Variants in RBPJ observed in about 807,000 individuals in gnomAD.
RBPJ encodes the protein recombination signal binding protein for immunoglobulin kappa J region, also known as recombining binding protein suppressor of hairless.
Under a neutral mutation model 67.8 loss-of-function variants are expected in RBPJ, and 9 were observed. That is an observed-to-expected ratio of 0.13 (90% confidence interval 0.08 to 0.23). The LOEUF is 0.23. Among genes scored for constraint, RBPJ ranks in the 10% least tolerant of loss-of-function variants. The pLI is 1.00. For synonymous variants in RBPJ, 198 were observed against 203.3 expected (o/e 0.97, Z 0.22); for missense variants, 305 against 595.6 (o/e 0.51, Z 5.08).
intron 1 of RBPJ, among the ~76,000 whole-genome samples, chr4:26,229,700 A>G (rs1719208344): frequency 6.6e-6 from 1 of 152,178 alleles, no homozygotes; most frequent in Non-Finnish European, 1.5e-5. Context: ...TCATGTATAA[A>G]GAGTGGATTA....
the RBPJ span, among the ~76,000 whole-genome samples, chr4:26,130,449 A>G: frequency 4.5e-4 from 69 of 152,090 alleles, no homozygotes; most frequent in African/African-American, 1.6e-3. Context: ...GTGGGCAGGG[A>G]CGTCTTGAGA....
the RBPJ span, among the ~76,000 whole-genome samples, chr4:26,109,826 A>C: frequency 7.9e-5 from 12 of 151,842 alleles, no homozygotes; most frequent in Admixed American, 7.2e-4. Flanking sequence ...TTATAACAAT[A>C]ATTCTTATAA....
chr4:26,130,003 A>G, the RBPJ span, among the ~76,000 whole-genome samples: 1 of 152,036 alleles, frequency 6.6e-6, no homozygotes, highest in Non-Finnish European at 1.5e-5. Flanking sequence ...CTGGGAGTAC[A>G]GGCGTGCACC....
chr4:26,265,416 C>G (rs1720671707), intron 1 of RBPJ, among the ~76,000 whole-genome samples: 1 of 151,822 alleles, frequency 6.6e-6, no homozygotes, highest in South Asian at 2.1e-4. Flanking sequence ...GTAATCCCAG[C>G]TACTCGGGAG....
rs187625462 is a variant in RBPJ at position 26,261,403 on chromosome 4, C to T, written c.-167+97789C>T. 5.0e-4 allele frequency among the ~76,000 whole-genome samples: 76 copies of T among 151,168 alleles called. No individual in the cohort carries two copies. In the East Asian group the frequency reaches 8.7e-3, roughly 17 times the overall value. On this transcript the variant is annotated intron_variant, in intron 1 of 4. Coordinates refer to the RBPJ transcript ENST00000512351. ...TCCTTAAGAAAATATGTTATGCCAA[C>T]CAAAAAAGCTAATTTGGGCTTTAGG...
intron 1 of RBPJ, among the ~76,000 whole-genome samples, chr4:26,222,494 C>CAAAAA (rs35321984): frequency 3.4e-5 from 2 of 58,822 alleles, no homozygotes; most frequent in Non-Finnish European, 7.6e-5. Flanking sequence ...AACTCAATCT[C>CAAAAA]AAAAAAAAAA....
At chr4:26,303,214 AAATAATAAATG>A (rs1722130708) in intron 1 of RBPJ, among the ~76,000 whole-genome samples, 1 of 145,566 alleles carries the variant, frequency 6.9e-6, no homozygotes, top group Non-Finnish European at 1.5e-5. Context: ...ATAAATAAAT[AAATAATAAATG>A]AATAAATATA....
chr4:26,145,292 C>A, the RBPJ span, among the ~76,000 whole-genome samples: 1 of 152,040 alleles, frequency 6.6e-6, no homozygotes, highest in African/African-American at 2.4e-5. Context: ...AATTTCATAG[C>A]CATTTAGTGT....
chr4:26,210,736 C>CTTCT (rs1239686944), intron 1 of RBPJ, among the ~76,000 whole-genome samples: 110 of 63,996 alleles, frequency 1.7e-3, no homozygotes, highest in East Asian at 7.5e-3. Flanking sequence ...TCCTTCTTTA[C>CTTCT]TTCTTTCCTT....
intron 1 of RBPJ, among the ~76,000 whole-genome samples, chr4:26,344,115 A>G (rs1725864850): frequency 6.6e-6 from 1 of 152,052 alleles, no homozygotes; most frequent in South Asian, 2.1e-4. Context: ...AACTCCTGGC[A>G]TCAAGTGATC....
chr4:26,293,464 T>C (rs1264200022), intron 1 of RBPJ, among the ~76,000 whole-genome samples: 1 of 149,556 alleles, frequency 6.7e-6, no homozygotes, highest in Non-Finnish European at 1.5e-5. Context: ...TGAGATCCTG[T>C]CCTCACAAAA....
At chr4:26,343,537 G>A (rs1198155805) in intron 1 of RBPJ, among the ~76,000 whole-genome samples, 1 of 151,398 alleles carries the variant, frequency 6.6e-6, no homozygotes, top group African/African-American at 2.4e-5. Context: ...AAAAATACAG[G>A]TTGTTTGTTT....
chr4:26,224,268 C>T (rs1719011517), intron 1 of RBPJ, among the ~76,000 whole-genome samples: 1 of 152,074 alleles, frequency 6.6e-6, no homozygotes, highest in South Asian at 2.1e-4. Context: ...CTTGCTCTGT[C>T]ACCCAGGCTG....
At chr4:26,187,324 TC>T (rs1717306364) in intron 1 of RBPJ, among the ~76,000 whole-genome samples, 1 of 152,262 alleles carries the variant, frequency 6.6e-6, no homozygotes, top group Admixed American at 6.5e-5. Context: ...TTTCTGTTTT[TC>T]TTCCCCCTCA....
intron 1 of RBPJ, among the ~76,000 whole-genome samples, chr4:26,179,677 C>A (rs1716913442): frequency 6.6e-6 from 1 of 152,076 alleles, no homozygotes. Flanking sequence ...CAGATGCTGG[C>A]AACGTTGTGG....
chr4:26,117,239 G>T, the RBPJ span, among the ~76,000 whole-genome samples: 1 of 151,924 alleles, frequency 6.6e-6, no homozygotes, highest in Non-Finnish European at 1.5e-5. Context: ...GGCTACCCCC[G>T]CTCCCCACCC....
At chr4:26,129,607 C>T in the RBPJ span, among the ~76,000 whole-genome samples, 5 of 152,188 alleles carry the variant, frequency 3.3e-5, no homozygotes, top group Non-Finnish European at 7.3e-5. Context: ...CTGTCCCTTA[C>T]AACTCTTAAA....
chr4:26,133,154 T>A, the RBPJ span, among the ~76,000 whole-genome samples: 1 of 152,270 alleles, frequency 6.6e-6, no homozygotes, highest in African/African-American at 2.4e-5. Flanking sequence ...ACCAGTCAAC[T>A]GTCATAGCAA....
intron 1 of RBPJ, among the ~76,000 whole-genome samples, chr4:26,172,427 T>C (rs1023114954): frequency 2.0e-5 from 3 of 152,228 alleles, no homozygotes; most frequent in Non-Finnish European, 4.4e-5. Context: ...ATAAATTTTC[T>C]GCCACGGGCG....
Sources: gnomAD v4.1 joint callset for allele counts (sites outside exome capture counted in the v4.1 genomes callset) on GRCh38, gnomAD v4.1.1 for gene constraint, MANE v1.5 for transcripts, NCBI Gene and HGNC (gene_info 2026-07-23, HGNC 2026-07-21) for gene names.